Variants in FGF12 observed in about 807,000 individuals in gnomAD.
The protein encoded by FGF12 is fibroblast growth factor 12B.
In FGF12, 14 loss-of-function variants were observed where a neutral mutation model predicts 23.6. The observed-to-expected ratio is 0.59, with a 90% CI of 0.39 to 0.93. The LOEUF (loss-of-function observed/expected upper bound fraction) is 0.93, where lower values mean the gene tolerates loss of function less well. Ranked by LOEUF, FGF12 falls within the 40% of genes least tolerant of loss-of-function variation. FGF12 has a pLI of 0.00. For synonymous variants in FGF12, 62 were observed against 77.3 expected (o/e 0.80, Z 1.04); for missense variants, 175 against 217.8 (o/e 0.80, Z 1.24).
At position 192,479,644 on chromosome 3, in the gene FGF12, A is replaced by G. The variant is rs117988862; in HGVS notation, c.14-119106T>C. ...AGAAAAATAGCAGCATGAGTCTACT[A>G]ACCTAGTCTGGTTAAACAAAATCCT... On this transcript the variant is annotated intron_variant, in intron 2 of 5. Transcript: ENST00000445105. 2.3e-4 allele frequency among the ~76,000 whole-genome samples: 35 copies of G among 152,308 alleles called. No individual in the cohort carries two copies. The East Asian group carries it at 6.2e-3, about 27-fold the overall frequency.
chr3:192,142,926 T>C lies in FGF12; in HGVS notation c.*1083A>G, dbSNP rs1190194699. 1 of 152,008 alleles carries C rather than the reference T, an allele frequency of 6.6e-6. No individual in the cohort carries two copies. Among genetic ancestry groups the C allele is most frequent in the African/African-American group, 2.4e-5 (1 of 41,416 alleles). 9.4% of individuals were successfully genotyped at this position (152,008 alleles called of 1,614,324 possible). ...CAGAGTTTAAAAAACAATATAAGACTGTGGTAAGGTACAAACGCAAATGCA... is the reference window on the plus strand; with the variant it reads ...CAGAGTTTAAAAAACAATATAAGACCGTGGTAAGGTACAAACGCAAATGCA... On this transcript the variant is annotated 3_prime_UTR_variant, in exon 6 of 6. Coordinates refer to ENST00000445105, the MANE Select transcript of FGF12 (RefSeq NM_004113.6).
chr3:192,406,347 C>T (rs564217756), intron 2 of FGF12, among the ~76,000 whole-genome samples: 3 of 151,934 alleles, frequency 2.0e-5, no homozygotes, highest in South Asian at 4.2e-4. Flanking sequence ...AACTCAAAAA[C>T]GTCATATAAT....
chr3:192,504,180 G>A (rs1724221796), intron 2 of FGF12, among the ~76,000 whole-genome samples: 1 of 152,028 alleles, frequency 6.6e-6, no homozygotes, highest in Non-Finnish European at 1.5e-5. Context: ...GGACGCCAGG[G>A]CCTACTTGAG....
chr3:192,305,679 A>AAAATATAT (rs1423738741), intron 4 of FGF12, among the ~76,000 whole-genome samples: 174 of 131,914 alleles, frequency 1.3e-3, no homozygotes, highest in Middle Eastern at 0.012. Context: ...AAAAAAAAAA[A>AAAATATAT]ATATATATAT....
chr3:192,379,684 A>G (rs1719735890), intron 2 of FGF12, among the ~76,000 whole-genome samples: 1 of 152,216 alleles, frequency 6.6e-6, no homozygotes, highest in South Asian at 2.1e-4. Context: ...AGTTTAACAT[A>G]CCTAAAGATG....
At chr3:192,630,681 T>C (rs1218943599) in intron 2 of FGF12, among the ~76,000 whole-genome samples, 1 of 150,838 alleles carries the variant, frequency 6.6e-6, no homozygotes, top group East Asian at 2.0e-4. Context: ...GCCTCCCGAG[T>C]AGCTGGGACT....
intron 2 of FGF12, among the ~76,000 whole-genome samples, chr3:192,468,232 C>T (rs901983788): frequency 2.6e-5 from 4 of 152,176 alleles, no homozygotes; most frequent in Admixed American, 6.5e-5. Flanking sequence ...TTAATGTTAA[C>T]AGTTCACACA....
chr3:192,591,411 G>A (rs568041711), intron 2 of FGF12, among the ~76,000 whole-genome samples: 6 of 151,704 alleles, frequency 4.0e-5, no homozygotes, highest in Non-Finnish European at 7.4e-5. Flanking sequence ...AAGGAAAAGA[G>A]AAGAAATGAG....
At chr3:192,154,894 C>T (rs1194764916) in intron 5 of FGF12, among the ~76,000 whole-genome samples, 2 of 137,178 alleles carry the variant, frequency 1.5e-5, no homozygotes, top group East Asian at 2.1e-4. Context: ...TGGGCAATGG[C>T]GGGCGCCCCT....
At chr3:192,698,982 T>C (rs1718213307) in intron 2 of FGF12, among the ~76,000 whole-genome samples, 1 of 152,210 alleles carries the variant, frequency 6.6e-6, no homozygotes, top group Non-Finnish European at 1.5e-5. Flanking sequence ...GTTAATGCTT[T>C]AAAGAGAGTT....
intron 4 of FGF12, among the ~76,000 whole-genome samples, chr3:192,181,459 A>C (rs1213016172): frequency 2.0e-5 from 3 of 151,848 alleles, no homozygotes; most frequent in African/African-American, 7.3e-5. Context: ...CAAAACACAC[A>C]CCTGTATCAG....
chr3:192,442,102 C>G (rs1222596568), intron 2 of FGF12, among the ~76,000 whole-genome samples: 2 of 152,158 alleles, frequency 1.3e-5, no homozygotes, highest in South Asian at 2.1e-4. Context: ...CAACTAGAGA[C>G]AGAGGACAGA....
intron 2 of FGF12, among the ~76,000 whole-genome samples, chr3:192,522,806 C>A (rs1393761017): frequency 6.6e-6 from 1 of 151,994 alleles, no homozygotes; most frequent in East Asian, 1.9e-4. Context: ...AATTTAACAA[C>A]CATATAAAAG....
chr3:192,614,856 C>T (rs866997366), intron 2 of FGF12, among the ~76,000 whole-genome samples: 1 of 152,000 alleles, frequency 6.6e-6, no homozygotes, highest in African/African-American at 2.4e-5. Context: ...CAGAGGAGCA[C>T]TTCCAGCCTT....
intron 2 of FGF12, among the ~76,000 whole-genome samples, chr3:192,387,086 T>C (rs536504169): frequency 3.9e-5 from 6 of 152,312 alleles, no homozygotes; most frequent in Non-Finnish European, 7.3e-5. Context: ...AGAAAGAATA[T>C]AGAGAAATAA....
chr3:192,661,248 G>A (rs115868218), intron 2 of FGF12, among the ~76,000 whole-genome samples: 4,831 of 152,256 alleles, frequency 0.032, 284 homozygotes, highest in African/African-American at 0.11. Flanking sequence ...TAGGCTGGGC[G>A]CTGTGGCTCA....
At position 192,474,612 on chromosome 3, in the gene FGF12, A is replaced by G. The variant is rs570021631; in HGVS notation, c.14-114074T>C. 6.6e-5 allele frequency among the ~76,000 whole-genome samples: 10 copies of G among 152,318 alleles called. 1 individual carries two copies. In the South Asian group the frequency reaches 1.9e-3, roughly 28 times the overall value. On this transcript the variant is annotated intron_variant, in intron 2 of 5. Transcript: ENST00000445105. ...GTATAAAGAAAAAGGAAGGCCAGGT[A>G]CGGTGGCTCAGGCCTGTAATCTCAA...
chr3:192,210,091 G>A (rs1717851458), intron 4 of FGF12, among the ~76,000 whole-genome samples: 1 of 152,166 alleles, frequency 6.6e-6, no homozygotes, highest in African/African-American at 2.4e-5. Flanking sequence ...ATGATTTTCA[G>A]ATGTTGGGAA....
chr3:192,699,475 C>T (rs777613632), intron 2 of FGF12, among the ~76,000 whole-genome samples: 6 of 152,092 alleles, frequency 3.9e-5, no homozygotes, highest in Non-Finnish European at 8.8e-5. Context: ...TATATCCACG[C>T]CTACACGCTT....
Sources: allele counts gnomAD v4.1 joint callset (sites outside exome capture counted in the v4.1 genomes callset), GRCh38; gene constraint gnomAD v4.1.1; transcripts MANE v1.5; gene names NCBI Gene and HGNC (gene_info 2026-07-23, HGNC 2026-07-21).